ANO2: variants seen among roughly 807,000 people sequenced by gnomAD.
The protein encoded by ANO2 is anoctamin-2.
A neutral mutation model predicts 124.2 loss-of-function variants in ANO2; 101 were observed. The ratio of observed to expected loss-of-function variants is 0.81; its 90% confidence interval spans 0.69 to 0.96. ANO2 has a LOEUF of 0.96. ANO2 is among the 40% of genes least tolerant of loss of function. The pLI, the probability that ANO2 is intolerant of heterozygous loss-of-function variation, is 0.00. For synonymous variants in ANO2, 486 were observed against 482.5 expected, an observed-to-expected ratio of 1.01 and a Z score of -0.09; for missense variants, 1,293 against 1,274.5, an observed-to-expected ratio of 1.01 and a Z score of -0.22.
intron 14 of ANO2, among the ~76,000 whole-genome samples, chr12:5,700,860 T>C (rs1949373565): frequency 6.6e-6 from 1 of 152,168 alleles, no homozygotes; most frequent in Non-Finnish European, 1.5e-5. Flanking sequence ...CCTGACTTAC[T>C]TAGGAACCAT....
chr12:5,924,069 T>C (rs1361204877), intron 1 of ANO2, among the ~76,000 whole-genome samples: 1 of 152,178 alleles, frequency 6.6e-6, no homozygotes, highest in Non-Finnish European at 1.5e-5. Flanking sequence ...GTGTTTGCAT[T>C]TTAACCTCCA....
intron 3 of ANO2, among the ~76,000 whole-genome samples, chr12:5,917,306 G>A (rs1941436761): frequency 6.6e-6 from 1 of 152,030 alleles, no homozygotes. Flanking sequence ...TTTAATTTCA[G>A]ATCCATAGTG....
intron 12 of ANO2, chr12:5,740,916 G>GT (rs1198458693): frequency 6.6e-6 from 1 of 152,410 alleles, no homozygotes; most frequent in Non-Finnish European, 1.5e-5. Flanking sequence ...ACTTGCGCAC[G>GT]TTGTCCCTCT....
chr12:5,645,516 T>G (rs1369067194), intron 15 of ANO2, among the ~76,000 whole-genome samples: 1 of 152,174 alleles, frequency 6.6e-6, no homozygotes, highest in African/African-American at 2.4e-5. Flanking sequence ...TTTTGTTAAT[T>G]TCTATATATA....
intron 15 of ANO2, among the ~76,000 whole-genome samples, chr12:5,645,747 T>C (rs1249043497): frequency 2.6e-5 from 4 of 152,224 alleles, no homozygotes; most frequent in East Asian, 1.9e-4. Flanking sequence ...GTTCTCTTTA[T>C]TGCCCTTGAA....
chr12:5,654,986 C>T (rs961353047), intron 14 of ANO2, among the ~76,000 whole-genome samples: 3 of 152,192 alleles, frequency 2.0e-5, no homozygotes, highest in Admixed American at 2.0e-4. Context: ...TCACAACTGG[C>T]AACATCAGGT....
At chr12:5,628,261 C>T (rs1336603934) in intron 16 of ANO2, among the ~76,000 whole-genome samples, 1 of 152,234 alleles carries the variant, frequency 6.6e-6, no homozygotes, top group Admixed American at 6.5e-5. Context: ...TGCCTCCCTG[C>T]TGTCCTCCCT....
chr12:5,889,906 C>T (rs1304194877), intron 3 of ANO2, among the ~76,000 whole-genome samples: 2 of 152,244 alleles, frequency 1.3e-5, no homozygotes, highest in African/African-American at 4.8e-5. Context: ...ACAAATAAGG[C>T]AGGCCCTTAA....
intron 10 of ANO2, among the ~76,000 whole-genome samples, chr12:5,754,038 G>A (rs1951510936): frequency 6.6e-6 from 1 of 152,134 alleles, no homozygotes; most frequent in Non-Finnish European, 1.5e-5. Context: ...CTATTGTGTT[G>A]ATGTTAGTTC....
intron 7 of ANO2, among the ~76,000 whole-genome samples, chr12:5,814,944 C>T (rs140814395): frequency 1.8e-4 from 27 of 152,346 alleles, no homozygotes; most frequent in Middle Eastern, 3.4e-3. Flanking sequence ...GCTGAAGCTA[C>T]TTTGCTGGCA....
chr12:5,733,999 A>G (rs1413610298), intron 13 of ANO2, among the ~76,000 whole-genome samples: 1 of 152,240 alleles, frequency 6.6e-6, no homozygotes, highest in African/African-American at 2.4e-5. Context: ...CACCATGCAG[A>G]ACACACAGAA....
rs201449423 is a variant in ANO2 at position 5,852,847 on chromosome 12, ACGTGTG to A, written c.633+1190_633+1195del. On this transcript the variant is annotated intron_variant, in intron 4 of 24. Transcript: ENST00000682330. ...GTATACAACTACACTATGGAAAGGG[ACGTGTG>A]TGTGTGTGTGTGTGTGTGTGTGTGT... 7.7e-3 allele frequency among the ~76,000 whole-genome samples: 378 copies of A among 48,922 alleles called. 4 individuals carry two copies. Among genetic ancestry groups the A allele is most frequent in the African/African-American group, 0.026 (362 of 14,166 alleles). 32.1% of individuals were successfully genotyped at this position (48,922 alleles called of 152,430 possible).
At position 5,672,144 on chromosome 12, in the gene ANO2, G is replaced by A. The variant is rs553932932; in HGVS notation, c.1546-24343C>T. Among the ~76,000 whole-genome samples, 14 of 152,148 alleles carry A rather than the reference G, an allele frequency of 9.2e-5. No homozygotes were observed. In the East Asian group the frequency reaches 1.2e-3, roughly 13 times the overall value. On this transcript the variant is annotated intron_variant, in intron 14 of 24. Coordinates refer to ENST00000682330, the MANE Select transcript of ANO2 (RefSeq NM_001364791.2). ...ACTCTTCAAGCCTCCATTCCCCACC[G>A]CACCAATTCCCCACAGCACTGCCAA...
intron 14 of ANO2, among the ~76,000 whole-genome samples, chr12:5,726,810 AACCAATGGGTTGATG>A (rs1950458703): frequency 6.6e-6 from 1 of 152,180 alleles, no homozygotes; most frequent in Non-Finnish European, 1.5e-5. Flanking sequence ...CAATCCCCCA[AACCAATGGGTTGATG>A]ACCAACATCA....
chr12:5,676,425 T>A (rs1324549992), intron 14 of ANO2, among the ~76,000 whole-genome samples: 2 of 152,182 alleles, frequency 1.3e-5, no homozygotes, highest in Non-Finnish European at 2.9e-5. Context: ...CTGTTCACAA[T>A]AATTATTGAG....
chr12:5,826,478 C>A (rs1375408077), intron 7 of ANO2, among the ~76,000 whole-genome samples: 1 of 127,626 alleles, frequency 7.8e-6, no homozygotes, highest in African/African-American at 3.4e-5. Flanking sequence ...ATATATATAT[C>A]CTTGATATGT....
intron 10 of ANO2, among the ~76,000 whole-genome samples, chr12:5,785,958 T>C (rs1452324676): frequency 6.7e-6 from 1 of 148,678 alleles, no homozygotes; most frequent in Non-Finnish European, 1.5e-5. Flanking sequence ...ACTCATCAAC[T>C]CTACAAAATG....
intron 23 of ANO2, 65 bp downstream of exon 23, chr12:5,575,769 C>A: frequency 6.5e-7 from 1 of 1,535,814 alleles, no homozygotes; most frequent in South Asian, 1.3e-5. Flanking sequence ...TCTAGGTCGT[C>A]CCCGTAATTA....
intron 1 of ANO2, among the ~76,000 whole-genome samples, chr12:5,931,872 C>T (rs1427130645): frequency 8.9e-5 from 10 of 112,116 alleles, no homozygotes; most frequent in East Asian, 3.0e-4. Flanking sequence ...AGAAGGCAGA[C>T]GAGTGAGGAA....
Sources: allele counts gnomAD v4.1 joint callset (sites outside exome capture counted in the v4.1 genomes callset), GRCh38; gene constraint gnomAD v4.1.1; transcripts MANE v1.5; gene names NCBI Gene and HGNC (gene_info 2026-07-23, HGNC 2026-07-21).